AIMP2: variants seen among roughly 807,000 people sequenced by gnomAD.
AIMP2 encodes aminoacyl tRNA synthetase complex interacting multifunctional protein 2, also known as aminoacyl tRNA synthase complex-interacting multifunctional protein 2.
A neutral mutation model predicts 23.4 loss-of-function variants in AIMP2; 20 were observed. The observed-to-expected ratio is 0.85, with a 90% CI of 0.60 to 1.24. AIMP2 has a LOEUF of 1.24. Ranked by LOEUF, AIMP2 falls within the 50% of genes most tolerant of loss-of-function variation. The pLI is 0.00. For missense variants in AIMP2, 515 were observed against 414.5 expected (o/e 1.24, Z -2.10); for synonymous variants, 210 against 170.4 (o/e 1.23, Z -1.81).
chr7:6,018,987 ACAC>A (rs1448203878), intron 3 of AIMP2, among the ~76,000 whole-genome samples: 9 of 150,748 alleles, frequency 6.0e-5, no homozygotes, highest in African/African-American at 2.2e-4. Flanking sequence ...ACACACACAC[ACAC>A]AATACATGGC....
intron 1 of AIMP2, 48 bp downstream of exon 1, chr7:6,009,546 T>C: frequency 7.2e-7 from 1 of 1,382,672 alleles, no homozygotes; most frequent in Middle Eastern, 2.7e-4. Context: ...GGCGACCGGC[T>C]GCTGGCCCGG....
chr7:6,022,230 C>G lies in AIMP2; in HGVS notation c.575-1073C>G, dbSNP rs557143085. 365 of 152,304 alleles carry G rather than the reference C, an allele frequency of 2.4e-3. 2 individuals are homozygous for G. Among genetic ancestry groups the G allele is most frequent in the Non-Finnish European group, 1.7e-3 (115 of 68,046 alleles). The allele number at this position is 152,304 out of a possible 1,614,324, so 9.4% of individuals were successfully genotyped here. ...AGCAGGGACTACAGGTGTGAGCCACCATGCCCAGCATCCTTATTATTTTCT... is the reference window on the plus strand; with the variant it reads ...AGCAGGGACTACAGGTGTGAGCCACGATGCCCAGCATCCTTATTATTTTCT... On this transcript the variant is annotated intron_variant, in intron 3 of 3. Coordinates refer to ENST00000223029, the MANE Select transcript of AIMP2 (RefSeq NM_006303.4).
chr7:6,023,338 A>T lies in AIMP2; in HGVS notation c.610A>T (p.Met204Leu). 6.2e-7 allele frequency: 1 copy of T among 1,609,616 alleles called. No homozygotes were observed. The highest frequency in any genetic ancestry group is 8.5e-7 in the Non-Finnish European group (1 of 1,178,676). ...GCAGATGAAATTCAGCATCCAGACG[A>T]TGTGCCCCATCGAAGGCGAAGGGAA... ...KTQMKFSIQT[M>L]CPIEGEGNIA... Residue 204 changes from methionine (M) to leucine (L), a missense_variant, in exon 4 of 4, where the codon ATG becomes TTG. Transcript: ENST00000223029.
intron 2 of AIMP2, among the ~76,000 whole-genome samples, chr7:6,015,568 CA>C (rs1786977013): frequency 6.6e-6 from 1 of 151,852 alleles, no homozygotes; most frequent in South Asian, 2.1e-4. Context: ...ACTAAAAATA[CA>C]AAAAATTCGC....
chr7:6,016,190 A>C (rs2128878573), intron 2 of AIMP2, among the ~76,000 whole-genome samples: 2 of 152,334 alleles, frequency 1.3e-5, no homozygotes, highest in Admixed American at 1.3e-4. Context: ...ATTACAAGTA[A>C]GTTGCATCAG....
At chr7:6,019,977 G>A (rs1477608842) in intron 3 of AIMP2, among the ~76,000 whole-genome samples, 1 of 141,294 alleles carries the variant, frequency 7.1e-6, no homozygotes, top group Non-Finnish European at 1.5e-5. Flanking sequence ...AGCTGAAGTC[G>A]CACCACTGCA....
At chr7:6,012,747 T>C (rs746839177) in intron 1 of AIMP2, 198 of 775,698 alleles carry the variant, frequency 2.6e-4, no homozygotes, top group Non-Finnish European at 3.3e-4. Context: ...TCAGTAGAAA[T>C]GGAGTTTCAT....
At chr7:6,013,553 G>T (rs1372173231) in intron 1 of AIMP2, among the ~76,000 whole-genome samples, 1 of 152,054 alleles carries the variant, frequency 6.6e-6, no homozygotes, top group Admixed American at 6.6e-5. Context: ...CAGTCAGCGC[G>T]CCCAGCCTTG....
rs923336354 is a variant in AIMP2 at position 6,018,679 on chromosome 7, C to A, written c.574+634C>A. Among the ~76,000 whole-genome samples the A allele has an allele frequency of 4.0e-5, 6 of 151,260 alleles. No homozygotes were observed. In the East Asian group the frequency reaches 1.2e-3, roughly 30 times the overall value. On this transcript the variant is annotated intron_variant, in intron 3 of 3. Coordinates refer to ENST00000223029, the MANE Select transcript of AIMP2 (RefSeq NM_006303.4). ...TGAAACCCCATCTCTACTAAAAATA[C>A]AAAACTTAGCCGGGTGTGGTAGCAG... is the stretch of plus-strand genomic sequence containing the variant.
In AIMP2 at chr7:6,017,861, C is replaced by G; in HGVS notation, c.390C>G (p.Ser130=). 6.2e-7 allele frequency: 1 copy of G among 1,614,086 alleles called. No homozygotes were observed. The change falls in exon 3 of 4, where the codon TCC becomes TCG. Residue 130 remains serine, a synonymous_variant. Coordinates refer to ENST00000223029, the MANE Select transcript of AIMP2 (RefSeq NM_006303.4). ...KDIVINANPA[S]PPLSLLVLHR... Reference sequence around the variant, plus strand: ...TCGTGATCAACGCAAACCCGGCCTCCCCTCCCCTCTCCCTGCTTGTGCTGC... The same window carrying G: ...TCGTGATCAACGCAAACCCGGCCTCGCCTCCCCTCTCCCTGCTTGTGCTGC...
chr7:6,011,330 G>C lies in AIMP2; in HGVS notation c.135+1832G>C, dbSNP rs535189125. 5.9e-5 allele frequency among the ~76,000 whole-genome samples: 9 copies of C among 152,326 alleles called. No individual in the cohort carries two copies. In the South Asian group the frequency reaches 1.9e-3, roughly 32 times the overall value. The stretch of plus-strand genomic sequence containing the variant: ...TGATGTTTGCACCCTGCCCAAAGCT[G>C]GTGGGTGTAGCGTGGTATCCTAAGG... On this transcript the variant is annotated intron_variant, in intron 1 of 3. Coordinates refer to ENST00000223029, the MANE Select transcript of AIMP2 (RefSeq NM_006303.4).
chr7:6,018,152 T>TTC (rs1562728680), intron 3 of AIMP2, 107 bp downstream of exon 3: 2 of 891,798 alleles, frequency 2.2e-6, no homozygotes, highest in African/African-American at 1.8e-5. Flanking sequence ...TTTTCTTTTT[T>TTC]TTTTTTTTTT....
chr7:6,017,043 C>A, intron 2 of AIMP2: 1 of 152,562 alleles, frequency 6.6e-6, no homozygotes, highest in Middle Eastern at 2.3e-3. Flanking sequence ...CTGAGCACTT[C>A]AGTTAACGCC....
intron 3 of AIMP2, among the ~76,000 whole-genome samples, chr7:6,018,869 A>C (rs1787200938): frequency 6.6e-6 from 1 of 152,026 alleles, no homozygotes; most frequent in Non-Finnish European, 1.5e-5. Context: ...TCAAAACAAG[A>C]AAAAGATATG....
chr7:6,011,531 G>T lies in AIMP2; in HGVS notation c.135+2033G>T, dbSNP rs188559630. On this transcript the variant is annotated intron_variant, in intron 1 of 3. Transcript: ENST00000223029. Reference sequence around the variant, plus strand: ...ACAGGCCTGTCCATTTCTGACACAAGATGGGTGAATCGGTAACTTTTCTGG... The same window carrying T: ...ACAGGCCTGTCCATTTCTGACACAATATGGGTGAATCGGTAACTTTTCTGG... 2.4e-3 allele frequency among the ~76,000 whole-genome samples: 369 copies of T among 152,312 alleles called. 3 individuals carry two copies. The highest frequency in any genetic ancestry group is 8.6e-3 in the African/African-American group (356 of 41,566).
chr7:6,018,905 CTAT>C (rs1787204563), intron 3 of AIMP2, among the ~76,000 whole-genome samples: 1 of 151,692 alleles, frequency 6.6e-6, no homozygotes, highest in Admixed American at 6.6e-5. Context: ...ACATACTAGT[CTAT>C]TATTTACATA....
intron 3 of AIMP2, 81 bp downstream of exon 3, chr7:6,018,126 A>C: frequency 7.6e-6 from 8 of 1,047,810 alleles, no homozygotes; most frequent in Non-Finnish European, 1.1e-5. Flanking sequence ...GTCCATTTAC[A>C]TGTGGATTTT....
Position 6,018,054 on chromosome 7 carries a change from A to T in AIMP2, c.574+9A>T. The T allele has an allele frequency of 6.2e-7, 1 of 1,607,538 alleles. No homozygotes were observed. The highest frequency in any genetic ancestry group is 8.5e-7 in the Non-Finnish European group (1 of 1,175,962). ...TTTAATTTGGAAGAATGGTAAGTAGACGGGACTGAGTTCAACTTACACACA... is the reference window on the plus strand; with the variant it reads ...TTTAATTTGGAAGAATGGTAAGTAGTCGGGACTGAGTTCAACTTACACACA... On this transcript the variant is annotated intron_variant, in intron 3 of 3. Transcript: ENST00000223029.
Position 6,023,337 on chromosome 7 carries a change from G to T in AIMP2, c.609G>T (p.Thr203=). Residue 203 remains threonine, a synonymous_variant, in exon 4 of 4, where the codon ACG becomes ACT. Coordinates refer to ENST00000223029, the MANE Select transcript of AIMP2 (RefSeq NM_006303.4). ...CGCAGATGAAATTCAGCATCCAGAC[G>T]ATGTGCCCCATCGAAGGCGAAGGGA... The part of the protein sequence containing the change: ...PKTQMKFSIQ[T]MCPIEGEGNI... The T allele has an allele frequency of 6.2e-7, 1 of 1,609,214 alleles. No homozygotes were observed. Among genetic ancestry groups the T allele is most frequent in the Non-Finnish European group, 8.5e-7 (1 of 1,178,546 alleles).
Sources: allele counts gnomAD v4.1 joint callset (sites outside exome capture counted in the v4.1 genomes callset), GRCh38; gene constraint gnomAD v4.1.1; transcripts MANE v1.5; gene names NCBI Gene and HGNC (gene_info 2026-07-23, HGNC 2026-07-21).